The following DLGAP1 variants were observed in gnomAD, a reference collection of about 807,000 sequenced individuals.
The protein encoded by DLGAP1 is DLG associated protein 1, also known as disks large-associated protein 1.
A neutral mutation model predicts 90.8 loss-of-function variants in DLGAP1; 11 were observed. The ratio of observed to expected loss-of-function variants is 0.12; its 90% CI spans 0.08 to 0.20. The LOEUF (loss-of-function observed/expected upper bound fraction) is 0.20, where lower values mean the gene tolerates loss of function less well. DLGAP1 is among the 10% of genes least tolerant of loss of function. The pLI is 1.00. For synonymous variants in DLGAP1, 558 were observed against 540.7 expected, an observed-to-expected ratio of 1.03 and a Z score of -0.44; for missense variants, 1,050 against 1,333.8, an observed-to-expected ratio of 0.79 and a Z score of 3.31.
At position 4,454,322 on chromosome 18, in the gene DLGAP1, C is replaced by A. The variant is rs2083914477; in HGVS notation, c.-267+684G>T. Among the ~76,000 whole-genome samples the A allele has an allele frequency of 6.6e-6, 1 of 152,198 alleles. No individual in the cohort carries two copies. Among genetic ancestry groups the A allele is most frequent in the South Asian group, 2.1e-4 (1 of 4,830 alleles). ...TTCAATTCGCTGAATGTCGGGTCTCCCGGCCCGCCCCGCGATTCTCCGGGA... is the reference window on the plus strand; with the variant it reads ...TTCAATTCGCTGAATGTCGGGTCTCACGGCCCGCCCCGCGATTCTCCGGGA... On this transcript the variant is annotated intron_variant, in intron 1 of 12. Transcript: ENST00000315677. This position sits in a 1 kb window ranked among gnomAD's most constrained non-coding sequence, Gnocchi z 4.7.
At chr18:3,939,263 A>G (rs1259849697) in intron 3 of DLGAP1, among the ~76,000 whole-genome samples, 6 of 151,944 alleles carry the variant, frequency 3.9e-5, no homozygotes, top group Non-Finnish European at 8.8e-5. Context: ...TATTAAAAAT[A>G]CGAAAGTTAG....
At chr18:4,301,351 G>GT (rs1359852408) in intron 1 of DLGAP1, among the ~76,000 whole-genome samples, 1 of 152,070 alleles carries the variant, frequency 6.6e-6, no homozygotes, top group Non-Finnish European at 1.5e-5. Flanking sequence ...AAGTTAGATT[G>GT]TTTCAGATTC....
intron 2 of DLGAP1, among the ~76,000 whole-genome samples, chr18:4,139,420 G>T (rs2144292670): frequency 6.6e-6 from 1 of 151,974 alleles, no homozygotes; most frequent in Admixed American, 6.6e-5. Flanking sequence ...ACATGTCTTT[G>T]CATAGTTTCC....
chr18:4,318,811 T>C (rs773265824), intron 1 of DLGAP1, among the ~76,000 whole-genome samples: 3 of 152,216 alleles, frequency 2.0e-5, no homozygotes, highest in Non-Finnish European at 4.4e-5. Context: ...CATATGTTTA[T>C]CATTATTAAT....
intron 1 of DLGAP1, among the ~76,000 whole-genome samples, chr18:4,216,550 T>C (rs115605247): frequency 0.01 from 1,578 of 152,250 alleles, 32 homozygotes; most frequent in African/African-American, 0.037. Flanking sequence ...TTGCTAAGCA[T>C]GAGTAAATAT....
chr18:3,851,217 A>AGTGCTGCAGAAAAGACTGAAATTTAC (rs1225650924), intron 4 of DLGAP1, among the ~76,000 whole-genome samples: 34 of 152,312 alleles, frequency 2.2e-4, no homozygotes, highest in Admixed American at 3.9e-4. Context: ...CCAAGAGGAA[A>AGTGCTGCAGAAAAGACTGAAATTTAC]GTGCTGCAGA....
At chr18:3,757,844 G>A (rs1395783405) in intron 5 of DLGAP1, among the ~76,000 whole-genome samples, 2 of 152,072 alleles carry the variant, frequency 1.3e-5, no homozygotes, top group Non-Finnish European at 1.5e-5. Context: ...GGGTGGACGC[G>A]GTGGCTGTTG....
chr18:3,636,289 A>T (rs7230740), intron 7 of DLGAP1, among the ~76,000 whole-genome samples: 1 of 151,192 alleles, frequency 6.6e-6, no homozygotes, highest in Admixed American at 6.6e-5. Flanking sequence ...ACCTTTCATT[A>T]ACTAATTATA....
At chr18:3,926,554 C>A (rs142135499) in intron 3 of DLGAP1, among the ~76,000 whole-genome samples, 3 of 151,828 alleles carry the variant, frequency 2.0e-5, no homozygotes, top group South Asian at 2.1e-4. Flanking sequence ...ACATCTCTCT[C>A]TATACATATG....
chr18:3,497,854 C>T lies in DLGAP1; in HGVS notation c.*1331G>A, dbSNP rs238114. On this transcript the variant is annotated 3_prime_UTR_variant, in exon 13 of 13. Transcript: ENST00000315677. ...AGTGTTTATGAATCATGACTCCCCC[C>T]ACCTCTTCATGGCTGTTGACCCTGG... 6.6e-6 allele frequency: 1 copy of T among 152,072 alleles called. No individual in the cohort carries two copies. The highest frequency in any genetic ancestry group is 2.1e-4 in the South Asian group (1 of 4,830). The allele number at this position is 152,072 out of a possible 1,614,324, so 9.4% of individuals were successfully genotyped here. A position where few individuals can be genotyped will look rare whatever the true frequency, so the allele number is the denominator to read the frequency against.
chr18:4,282,809 A>G (rs1158980095), intron 1 of DLGAP1, among the ~76,000 whole-genome samples: 1 of 152,240 alleles, frequency 6.6e-6, no homozygotes, highest in East Asian at 1.9e-4. Context: ...CCTCTGACTT[A>G]AAGTTCAGTT....
intron 3 of DLGAP1, among the ~76,000 whole-genome samples, chr18:3,965,518 G>A (rs934523073): frequency 1.3e-5 from 2 of 152,146 alleles, no homozygotes; most frequent in Admixed American, 6.5e-5. Flanking sequence ...TACTGGAGTA[G>A]GTTGTGATCA....
chr18:4,367,528 A>T (rs983167396), intron 1 of DLGAP1, among the ~76,000 whole-genome samples: 1 of 152,164 alleles, frequency 6.6e-6, no homozygotes, highest in African/African-American at 2.4e-5. Context: ...TACCAATATT[A>T]TTCCAAAAAA....
At position 3,738,312 on chromosome 18, in the gene DLGAP1, G is replaced by A. The variant is rs1013613716; in HGVS notation, c.1350+4023C>T. Among the ~76,000 whole-genome samples, 340 of 146,726 alleles carry A rather than the reference G, an allele frequency of 2.3e-3. 3 individuals are homozygous for A. The highest frequency in any genetic ancestry group is 8.5e-3 in the African/African-American group (312 of 36,890). On this transcript the variant is annotated intron_variant, in intron 6 of 12. Coordinates refer to ENST00000315677, the MANE Select transcript of DLGAP1 (RefSeq NM_004746.4). Reference sequence around the variant, plus strand: ...ATGGAACAAAAAAAGAGCCCGCATCGCCAAGTCAATCCTAAGCCAAAAGAA... The same window carrying A: ...ATGGAACAAAAAAAGAGCCCGCATCACCAAGTCAATCCTAAGCCAAAAGAA...
At chr18:4,272,961 A>G (rs994448714) in intron 1 of DLGAP1, among the ~76,000 whole-genome samples, 1 of 152,030 alleles carries the variant, frequency 6.6e-6, no homozygotes, top group Non-Finnish European at 1.5e-5. Flanking sequence ...CATGAACAGT[A>G]AGGATTGCTG....
At chr18:4,257,916 C>T (rs568642362) in intron 1 of DLGAP1, among the ~76,000 whole-genome samples, 35 of 151,910 alleles carry the variant, frequency 2.3e-4, no homozygotes, top group Non-Finnish European at 4.7e-4. Context: ...TGAGCTACTC[C>T]GCCCGGCCCA....
intron 2 of DLGAP1, among the ~76,000 whole-genome samples, chr18:4,083,672 C>T (rs1249337776): frequency 6.6e-6 from 1 of 152,072 alleles, no homozygotes. Context: ...TTCCCTTTTC[C>T]TCCGTGCAGG....
At chr18:4,334,634 TCAACTGTACAGGAA>T (rs1257765403) in intron 1 of DLGAP1, among the ~76,000 whole-genome samples, 1 of 151,798 alleles carries the variant, frequency 6.6e-6, no homozygotes, top group Non-Finnish European at 1.5e-5. Flanking sequence ...TACTGAGGGA[TCAACTGTACAGGAA>T]CACAAAATGC....
chr18:4,180,828 G>A (rs2077195410), intron 1 of DLGAP1, among the ~76,000 whole-genome samples: 1 of 152,096 alleles, frequency 6.6e-6, no homozygotes, highest in Non-Finnish European at 1.5e-5. Flanking sequence ...CTGGCTTTCA[G>A]TAAAGATTTG....
Sources: allele counts gnomAD v4.1 joint callset (sites outside exome capture counted in the v4.1 genomes callset), GRCh38; gene constraint gnomAD v4.1.1; non-coding constraint Gnocchi (gnomAD v3.1); transcripts MANE v1.5; gene names NCBI Gene and HGNC (gene_info 2026-07-23, HGNC 2026-07-21).